Variants in FBXW10B observed in about 807,000 individuals in gnomAD.
FBXW10B encodes F-box and WD repeat domain containing protein 10B.
the FBXW10B span, among the ~76,000 whole-genome samples, chr17:15,602,772 C>T: frequency 5.3e-3 from 640 of 121,056 alleles, 118 homozygotes; most frequent in African/African-American, 0.024. Flanking sequence ...GGACTACAGG[C>T]GCCCGCCACC....
chr17:15,603,072 C>T, the FBXW10B span, among the ~76,000 whole-genome samples: 6 of 147,052 alleles, frequency 4.1e-5, no homozygotes, highest in East Asian at 2.0e-4. Flanking sequence ...TTAGTAGAGA[C>T]GGGGTTTCTC....
the FBXW10B span, among the ~76,000 whole-genome samples, chr17:15,601,760 G>T: frequency 6.6e-6 from 1 of 152,254 alleles, no homozygotes; most frequent in African/African-American, 2.4e-5. Context: ...AGGTTTTATT[G>T]AAAGTTGGTA....
the FBXW10B span, among the ~76,000 whole-genome samples, chr17:15,587,388 T>G: frequency 6.6e-6 from 1 of 151,622 alleles, no homozygotes; most frequent in African/African-American, 2.4e-5. Flanking sequence ...AACATATCCC[T>G]TATATTTTCT....
At chr17:15,567,007 C>T in the FBXW10B span, among the ~76,000 whole-genome samples, 1 of 151,642 alleles carries the variant, frequency 6.6e-6, no homozygotes, top group Non-Finnish European at 1.5e-5. Context: ...CGCGGTGGCT[C>T]ACGCCTGTAA....
At chr17:15,571,284 G>A in the FBXW10B span, among the ~76,000 whole-genome samples, 1 of 151,628 alleles carries the variant, frequency 6.6e-6, no homozygotes, top group Admixed American at 6.6e-5. Context: ...AGCAGATGTT[G>A]CAGTCAGCTA....
chr17:15,587,875 T>C, the FBXW10B span, among the ~76,000 whole-genome samples: 1 of 152,206 alleles, frequency 6.6e-6, no homozygotes, highest in Non-Finnish European at 1.5e-5. Context: ...GCAGGGTCAC[T>C]GAACACTACA....
chr17:15,576,888 T>C, the FBXW10B span, among the ~76,000 whole-genome samples: 45 of 145,868 alleles, frequency 3.1e-4, no homozygotes, highest in Non-Finnish European at 6.0e-4. Context: ...CATTATTAAC[T>C]TAAAGAACAG....
At chr17:15,612,491 G>A in the FBXW10B span, among the ~76,000 whole-genome samples, 2 of 152,030 alleles carry the variant, frequency 1.3e-5, no homozygotes, top group Admixed American at 1.3e-4. Flanking sequence ...TCCAGCCTGG[G>A]TGACATAGTG....
At chr17:15,596,345 A>G in the FBXW10B span, 5 of 580,848 alleles carry the variant, frequency 8.6e-6, no homozygotes, top group Non-Finnish European at 1.1e-5. Context: ...CCTACCCTCC[A>G]CGGACTCTGA....
At chr17:15,583,615 T>C in the FBXW10B span, among the ~76,000 whole-genome samples, 24 of 150,498 alleles carry the variant, frequency 1.6e-4, no homozygotes, top group African/African-American at 5.4e-4. Context: ...TCCCAGGTGA[T>C]TGCATCCCAA....
At chr17:15,565,965 G>C in the FBXW10B span, 2 of 1,591,764 alleles carry the variant, frequency 1.3e-6, no homozygotes, top group South Asian at 1.1e-5. Context: ...TCATGGGCTC[G>C]GGTATGGTGG....
chr17:15,587,082 C>G, the FBXW10B span, among the ~76,000 whole-genome samples: 1 of 151,518 alleles, frequency 6.6e-6, no homozygotes, highest in Non-Finnish European at 1.5e-5. Context: ...TGGCTAAGCA[C>G]CCGCACTGTT....
chr17:15,571,120 A>G, the FBXW10B span, among the ~76,000 whole-genome samples: 1 of 152,206 alleles, frequency 6.6e-6, no homozygotes, highest in Admixed American at 6.5e-5. Context: ...CCAAAGCAGG[A>G]GGACTGCTTG....
the FBXW10B span, among the ~76,000 whole-genome samples, chr17:15,569,455 C>CTTTTTTTTTTTTTTT: frequency 1.5e-4 from 9 of 59,184 alleles, no homozygotes; most frequent in South Asian, 6.3e-4. Context: ...TTTTCTTTTT[C>CTTTTTTTTTTTTTTT]TTTTTTTTTT....
At chr17:15,595,094 C>A in the FBXW10B span, among the ~76,000 whole-genome samples, 1 of 152,166 alleles carries the variant, frequency 6.6e-6, no homozygotes, top group East Asian at 1.9e-4. Context: ...GTAATCCCAG[C>A]ACTTTGGGAG....
At chr17:15,597,796 C>T in the FBXW10B span, among the ~76,000 whole-genome samples, 4 of 152,170 alleles carry the variant, frequency 2.6e-5, no homozygotes, top group Non-Finnish European at 5.9e-5. Context: ...AGAGTTGACA[C>T]TTACATGGCA....
the FBXW10B span, chr17:15,619,520 A>G: frequency 2.5e-6 from 4 of 1,610,666 alleles, no homozygotes; most frequent in South Asian, 3.3e-5. Context: ...CATGATCCTA[A>G]GATAACCAGT....
chr17:15,587,844 T>C, the FBXW10B span, among the ~76,000 whole-genome samples: 7 of 152,256 alleles, frequency 4.6e-5, no homozygotes, highest in East Asian at 1.4e-3. Flanking sequence ...CTAAGAAACG[T>C]GTTGTGGAAT....
chr17:15,607,430 A>G, the FBXW10B span: 7 of 641,526 alleles, frequency 1.1e-5, no homozygotes, highest in Non-Finnish European at 1.6e-5. Context: ...TATTGTCTAC[A>G]TGGGATCATG....
Sources: allele counts gnomAD v4.1 joint callset (sites outside exome capture counted in the v4.1 genomes callset), GRCh38; gene constraint gnomAD v4.1.1; transcripts MANE v1.5; gene names NCBI Gene and HGNC (gene_info 2026-07-23, HGNC 2026-07-21).